The following COL11A1 variants were observed in gnomAD, a reference collection of about 807,000 sequenced individuals.
COL11A1 encodes the protein collagen alpha-1(XI) chain.
Under a neutral mutation model 265.2 loss-of-function variants are expected in COL11A1, and 74 were observed. The observed-to-expected ratio is 0.28, with a 90% CI of 0.23 to 0.34. The LOEUF is 0.34. COL11A1 is among the 10% of genes least tolerant of loss of function. The pLI is 1.00. For missense variants in COL11A1, 2,165 were observed against 2,263.6 expected, an observed-to-expected ratio of 0.96 and a Z score of 0.88; for synonymous variants, 816 against 727.6, an observed-to-expected ratio of 1.12 and a Z score of -1.96.
chr1:102,931,709 T>C (rs1657468005), intron 46 of COL11A1, among the ~76,000 whole-genome samples: 1 of 152,080 alleles, frequency 6.6e-6, no homozygotes, highest in Non-Finnish European at 1.5e-5. Context: ...AGTCTCCCAT[T>C]ATTAATGTGT....
intron 30 of COL11A1, 116 bp from the exon 31 acceptor site, chr1:102,984,307 T>C (rs2101715793): frequency 1.6e-6 from 1 of 643,064 alleles, no homozygotes; most frequent in Non-Finnish European, 2.6e-6. Context: ...AAAGGAAGAT[T>C]TGCAGATTTT....
At chr1:103,057,868 A>G (rs1670364650) in intron 4 of COL11A1, among the ~76,000 whole-genome samples, 1 of 152,166 alleles carries the variant, frequency 6.6e-6, no homozygotes, top group African/African-American at 2.4e-5. Context: ...TTGATTTAGT[A>G]TAATTCTTAA....
At chr1:102,880,037 C>T in intron 65 of COL11A1, 121 bp from the exon 66 acceptor site, 1 of 698,156 alleles carries the variant, frequency 1.4e-6, no homozygotes, top group Non-Finnish European at 2.5e-6. Context: ...TCAAAAGACC[C>T]ACCTTAACCT....
At chr1:102,934,974 C>T (rs1019869174) in intron 45 of COL11A1, 86 bp downstream of exon 45, 1 of 1,299,450 alleles carries the variant, frequency 7.7e-7, no homozygotes, top group African/African-American at 1.5e-5. Context: ...TATTACCCCA[C>T]AAAATTGACT....
At chr1:103,049,987 T>C (rs1669663604) in intron 4 of COL11A1, among the ~76,000 whole-genome samples, 1 of 152,244 alleles carries the variant, frequency 6.6e-6, no homozygotes, top group Non-Finnish European at 1.5e-5. Context: ...TCTGATGGGC[T>C]TCCCTTTGTG....
intron 4 of COL11A1, among the ~76,000 whole-genome samples, chr1:103,061,374 C>A (rs888639223): frequency 5.3e-5 from 8 of 151,950 alleles, no homozygotes; most frequent in Non-Finnish European, 1.2e-4. Context: ...CAAAGTTGAA[C>A]TAAAAACACT....
intron 41 of COL11A1, among the ~76,000 whole-genome samples, chr1:102,949,500 T>C (rs1191336567): frequency 1.3e-5 from 2 of 152,180 alleles, no homozygotes; most frequent in African/African-American, 4.8e-5. Context: ...GCGAAGTTGA[T>C]GGGTACTAGA....
chr1:103,045,369 G>A (rs145989713), intron 4 of COL11A1, among the ~76,000 whole-genome samples: 4 of 152,264 alleles, frequency 2.6e-5, no homozygotes, highest in Non-Finnish European at 5.9e-5. Context: ...GCTGCTTAGA[G>A]AACAGATGAA....
chr1:102,928,248 C>G (rs1656875731), intron 46 of COL11A1, among the ~76,000 whole-genome samples: 1 of 151,698 alleles, frequency 6.6e-6, no homozygotes, highest in South Asian at 2.1e-4. Flanking sequence ...TATCCCTCCC[C>G]TCTCCCCCCA....
rs955208238 is a variant in COL11A1, at chr1:103,082,727, C to G, written c.274+78G>C. 2.4e-6 allele frequency: 3 copies of G among 1,246,622 alleles called. No homozygotes were observed. In the South Asian group the frequency reaches 3.9e-5, roughly 16 times the overall value. 77.2% of individuals were successfully genotyped at this position (1,246,622 alleles called of 1,614,324 possible). On this transcript the variant is annotated intron_variant, in intron 2 of 66. Transcript: ENST00000370096. ...AAAAATACTAATTAGTAAAGAAATACTAAAAGTAGTTTTAGTAGTAACAAA... is the reference window on the plus strand; with the variant it reads ...AAAAATACTAATTAGTAAAGAAATAGTAAAAGTAGTTTTAGTAGTAACAAA...
intron 57 of COL11A1, among the ~76,000 whole-genome samples, chr1:102,891,311 C>T (rs545916607): frequency 1.3e-5 from 2 of 152,200 alleles, no homozygotes; most frequent in Middle Eastern, 3.4e-3. Context: ...TTACAAACTA[C>T]ATCAAGATGG....
chr1:102,940,882 T>C (rs2101313039), intron 42 of COL11A1, among the ~76,000 whole-genome samples: 1 of 152,310 alleles, frequency 6.6e-6, no homozygotes. Context: ...TTTTTAAGTG[T>C]TTGTTTTGGT....
intron 42 of COL11A1, among the ~76,000 whole-genome samples, chr1:102,946,080 A>G (rs1238547996): frequency 1.4e-5 from 2 of 138,360 alleles, no homozygotes; most frequent in African/African-American, 5.3e-5. Flanking sequence ...CGCAAGGACA[A>G]AAAACCAAAC....
At chr1:103,077,564 A>G (rs1372954833) in intron 3 of COL11A1, among the ~76,000 whole-genome samples, 1 of 152,080 alleles carries the variant, frequency 6.6e-6, no homozygotes, top group Non-Finnish European at 1.5e-5. Context: ...GAGACTTGAG[A>G]GTTTCTCTGT....
chr1:103,001,791 G>T (rs534639575), intron 24 of COL11A1, 134 bp downstream of exon 24: 10 of 765,844 alleles, frequency 1.3e-5, no homozygotes, highest in South Asian at 4.5e-5. Flanking sequence ...TTTCCATGTC[G>T]ACTCCAGATT....
intron 43 of COL11A1, among the ~76,000 whole-genome samples, chr1:102,939,538 T>TA (rs1475914940): frequency 6.6e-6 from 1 of 151,366 alleles, no homozygotes; most frequent in Non-Finnish European, 1.5e-5. Flanking sequence ...GTCCTACAAA[T>TA]AAATGTTTTT....
In COL11A1 at chr1:103,006,110, A is replaced by G. The variant is rs781561712; in HGVS notation, c.1749T>C (p.Gly583=). 1.2e-6 allele frequency: 2 copies of G among 1,613,840 alleles called. No homozygotes were observed. The highest frequency in any genetic ancestry group is 2.2e-5 in the South Asian group (2 of 91,070). Residue 583 remains glycine (G), a synonymous_variant, in exon 17 of 67, where the codon GGT becomes GGC. Coordinates refer to ENST00000370096, the MANE Select transcript of COL11A1 (RefSeq NM_001854.4). ...CTGGCATTCCTCTTCCTCCATCTGC[A>G]CCTGGACGACCCTAATAATGCCAAC... is the stretch of plus-strand genomic sequence containing the variant. ...TGKPGKRGRP[G]ADGGRGMPGE...
rs377203694 is a variant in COL11A1 at position 102,965,570 on chromosome 1, C to T, written c.2863-30G>A. Reference sequence around the variant, plus strand: ...GGAGGCAAAGTATTATTTGTAAAAGCTACATACAACACAAAGCATAAATCA... The same window carrying T: ...GGAGGCAAAGTATTATTTGTAAAAGTTACATACAACACAAAGCATAAATCA... On this transcript the variant is annotated intron_variant, in intron 37 of 66. Transcript: ENST00000370096. 435 of 1,586,118 alleles carry T rather than the reference C, an allele frequency of 2.7e-4. 1 individual carries two copies. In the South Asian group the frequency reaches 3.5e-3, roughly 13 times the overall value.
intron 1 of COL11A1, among the ~76,000 whole-genome samples, chr1:103,102,118 C>T (rs943940190): frequency 4.0e-5 from 6 of 151,880 alleles, no homozygotes; most frequent in African/African-American, 1.4e-4. Flanking sequence ...AGTTCTGACA[C>T]AAGTGAACAT....
Sources: allele counts gnomAD v4.1 joint callset (sites outside exome capture counted in the v4.1 genomes callset), GRCh38; gene constraint gnomAD v4.1.1; transcripts MANE v1.5; gene names NCBI Gene and HGNC (gene_info 2026-07-23, HGNC 2026-07-21).